SLCO1B3: variants seen among roughly 807,000 people sequenced by gnomAD.
SLCO1B3 encodes the protein solute carrier organic anion transporter family member 1B3.
SLCO1B3 carries 72 observed loss-of-function variants against 71.8 expected under a neutral mutation model. That is an observed-to-expected ratio of 1.00 (90% CI 0.83 to 1.22). The LOEUF (loss-of-function observed/expected upper bound fraction) is 1.22, where lower values mean the gene tolerates loss of function less well. Ranked by LOEUF, SLCO1B3 falls within the 50% of genes most tolerant of loss-of-function variation. The probability of loss-of-function intolerance (pLI) is 0.00; values close to 1 mark genes in which losing one functional copy is unlikely to be tolerated. For missense variants in SLCO1B3, 911 were observed against 819.7 expected (o/e 1.11, Z -1.36); for synonymous variants, 298 against 278.4 (o/e 1.07, Z -0.70).
chr12:20,866,871 AC>A (rs778356620), intron 8 of SLCO1B3, among the ~76,000 whole-genome samples: 33 of 152,246 alleles, frequency 2.2e-4, no homozygotes, highest in Non-Finnish European at 4.6e-4. Context: ...TACCTATACA[AC>A]TGCTAATCCC....
chr12:20,855,310 T>C (rs1865111507), intron 4 of SLCO1B3, 141 bp downstream of exon 4: 2 of 731,060 alleles, frequency 2.7e-6, no homozygotes, highest in Admixed American at 2.9e-5. Flanking sequence ...TAGGATATTT[T>C]TGTTGCTATA....
At chr12:20,877,045 G>T (rs1865594583) in intron 9 of SLCO1B3, among the ~76,000 whole-genome samples, 1 of 152,072 alleles carries the variant, frequency 6.6e-6, no homozygotes, top group South Asian at 2.1e-4. Context: ...TGGCCAGGCT[G>T]GTCTGGAACT....
In SLCO1B3 at chr12:20,875,480, A is replaced by G. The variant is rs1172013771; in HGVS notation, c.970+3A>G. ...AAATGTTACCAAAAATGTGACTGGTAGGTATTTGACATTCATTGTCAACTT... is the reference window on the plus strand; with the variant it reads ...AAATGTTACCAAAAATGTGACTGGTGGGTATTTGACATTCATTGTCAACTT... On this transcript the variant is annotated splice_donor_region_variant and intron_variant, in intron 9 of 15. Coordinates refer to ENST00000381545, the MANE Select transcript of SLCO1B3 (RefSeq NM_019844.4). 6.3e-7 allele frequency: 1 copy of G among 1,598,982 alleles called. No individual in the cohort carries two copies. The highest frequency in any genetic ancestry group is 1.1e-5 in the South Asian group (1 of 87,500).
At chr12:20,866,916 G>A (rs7963757) in intron 8 of SLCO1B3, among the ~76,000 whole-genome samples, 3,117 of 152,170 alleles carry the variant, frequency 0.02, 111 homozygotes, top group African/African-American at 0.07. Context: ...AAAAACAGTT[G>A]TTAGTCTTTT....
At chr12:20,817,977 C>T (rs965174449) in intron 3 of SLCO1B3, among the ~76,000 whole-genome samples, 1 of 152,008 alleles carries the variant, frequency 6.6e-6, no homozygotes, top group African/African-American at 2.4e-5. Flanking sequence ...TGTAAACCAG[C>T]AGTGTAAACA....
At chr12:20,904,011 G>A (rs144087803) in intron 15 of SLCO1B3, among the ~76,000 whole-genome samples, 1,944 of 152,180 alleles carry the variant, frequency 0.013, 20 homozygotes, top group Non-Finnish European at 0.021. Context: ...AGGCCAAGGT[G>A]GGTGGATCAC....
intron 3 of SLCO1B3, among the ~76,000 whole-genome samples, chr12:20,821,793 G>A (rs1048272606): frequency 1.3e-5 from 2 of 152,180 alleles, no homozygotes; most frequent in South Asian, 4.1e-4. Context: ...TGAAATGTGG[G>A]TGAATAATCA....
chr12:20,862,043 A>G (rs569373556), intron 6 of SLCO1B3, among the ~76,000 whole-genome samples: 23 of 152,246 alleles, frequency 1.5e-4, no homozygotes, highest in African/African-American at 5.5e-4. Context: ...TTTAATATAG[A>G]AGAACTCTTG....
intron 3 of SLCO1B3, among the ~76,000 whole-genome samples, chr12:20,848,029 G>A (rs1417696594): frequency 2.6e-5 from 4 of 152,052 alleles, no homozygotes; most frequent in African/African-American, 9.7e-5. Flanking sequence ...ATGTACAAGT[G>A]CTGTCCCATA....
intron 13 of SLCO1B3, among the ~76,000 whole-genome samples, chr12:20,885,057 C>T (rs1412593760): frequency 6.6e-6 from 1 of 152,022 alleles, no homozygotes; most frequent in Non-Finnish European, 1.5e-5. Context: ...TAATTGAAAC[C>T]TTTTCATGAG....
chr12:20,855,917 A>T (rs867772359), intron 4 of SLCO1B3, among the ~76,000 whole-genome samples: 1 of 152,026 alleles, frequency 6.6e-6, no homozygotes, highest in Admixed American at 6.6e-5. Context: ...ATTGTCTATT[A>T]TATAGACTGC....
chr12:20,877,997 C>A, intron 10 of SLCO1B3, 61 bp downstream of exon 10: 2 of 1,089,488 alleles, frequency 1.8e-6, no homozygotes, highest in Non-Finnish European at 2.6e-6. Flanking sequence ...ACTTGTGTTC[C>A]AAGTCACATT....
chr12:20,886,336 G>C (rs1025124123), intron 13 of SLCO1B3, among the ~76,000 whole-genome samples: 2 of 152,032 alleles, frequency 1.3e-5, no homozygotes, highest in African/African-American at 4.8e-5. Flanking sequence ...CAAATCTAGA[G>C]TTGGCAATAT....
chr12:20,886,817 G>A (rs969952073), intron 13 of SLCO1B3, among the ~76,000 whole-genome samples: 17 of 151,918 alleles, frequency 1.1e-4, no homozygotes, highest in Admixed American at 5.9e-4. Context: ...CCCATCACCC[G>A]AATCGTGTAC....
chr12:20,902,790 C>T lies in SLCO1B3; in HGVS notation c.1865+1323C>T, dbSNP rs148504830. Among the ~76,000 whole-genome samples, 880 of 152,062 alleles carry T rather than the reference C, an allele frequency of 5.8e-3. 18 individuals carry two copies. Among genetic ancestry groups the T allele is most frequent in the Admixed American group, 0.028 (428 of 15,284 alleles). On this transcript the variant is annotated intron_variant, in intron 15 of 15. Transcript: ENST00000381545. ...CTCTTAAAAATCTCCAAAAACAGGC[C>T]GGATGCAGTGGCTCACAACTGTAAT...
intron 13 of SLCO1B3, among the ~76,000 whole-genome samples, chr12:20,886,290 A>G (rs1865791587): frequency 6.6e-6 from 1 of 152,036 alleles, no homozygotes; most frequent in Non-Finnish European, 1.5e-5. Context: ...CATATGTAGA[A>G]GCCACCATTT....
At chr12:20,823,535 C>T (rs1864361951) in intron 3 of SLCO1B3, among the ~76,000 whole-genome samples, 2 of 152,088 alleles carry the variant, frequency 1.3e-5, no homozygotes, top group South Asian at 4.1e-4. Context: ...CATAGTAGGA[C>T]CAATTTATTG....
At chr12:20,881,452 A>G (rs1406263285) in intron 12 of SLCO1B3, among the ~76,000 whole-genome samples, 2 of 152,166 alleles carry the variant, frequency 1.3e-5, no homozygotes, top group Admixed American at 6.5e-5. Context: ...ATCTATTTGC[A>G]TTTTAATATA....
Position 20,879,432 on chromosome 12 carries a change from C to G in SLCO1B3, c.1136-4C>G, listed in dbSNP as rs958332597. 5 of 1,558,370 alleles carry G rather than the reference C, an allele frequency of 3.2e-6. No individual in the cohort carries two copies. The South Asian group carries it at 4.7e-5, about 15-fold the overall frequency. ...ATAGCTTTTTTCTCTTCTTTTATTT[C>G]TAGGAATCATAACCATTCCTACGGT... On this transcript the variant is annotated splice_polypyrimidine_tract_variant and splice_region_variant and intron_variant, in intron 10 of 15. Coordinates refer to ENST00000381545, the MANE Select transcript of SLCO1B3 (RefSeq NM_019844.4).
Sources: allele counts gnomAD v4.1 joint callset (sites outside exome capture counted in the v4.1 genomes callset), GRCh38; gene constraint gnomAD v4.1.1; transcripts MANE v1.5; gene names NCBI Gene and HGNC (gene_info 2026-07-23, HGNC 2026-07-21).